PPM1H: variants seen among roughly 807,000 people sequenced by gnomAD.
PPM1H encodes the protein protein phosphatase, Mg2+/Mn2+ dependent 1H, also known as protein phosphatase 1H.
Under a neutral mutation model 54.9 loss-of-function variants are expected in PPM1H, and 27 were observed. The observed-to-expected ratio is 0.49, with a 90% CI of 0.36 to 0.68. The LOEUF is 0.68. Ranked by LOEUF, PPM1H falls within the 30% of genes least tolerant of loss-of-function variation. PPM1H has a pLI of 0.00. For synonymous variants in PPM1H, 305 were observed against 270.8 expected (o/e 1.13, Z -1.24); for missense variants, 596 against 667.8 (o/e 0.89, Z 1.19).
Position 62,896,130 on chromosome 12 carries a change from C to T in PPM1H, c.245+38362G>A, listed in dbSNP as rs567301657. On this transcript the variant is annotated intron_variant, in intron 1 of 9. Transcript: ENST00000228705. ...TAGCTTATTCAGATGATGTGAATAC[C>T]GGCTAATTATTGCAACGATGTTTGC... Among the ~76,000 whole-genome samples, 5 of 152,200 alleles carry T rather than the reference C, an allele frequency of 3.3e-5. No individual in the cohort carries two copies. In the South Asian group the frequency reaches 6.2e-4, roughly 19 times the overall value.
chr12:62,924,411 C>T (rs1337674221), intron 1 of PPM1H, among the ~76,000 whole-genome samples: 7 of 152,212 alleles, frequency 4.6e-5, no homozygotes, highest in Non-Finnish European at 1.0e-4. Flanking sequence ...TGAACATAAT[C>T]TCTGTCAGCT....
chr12:62,741,982 C>A (rs1487888497), intron 4 of PPM1H, among the ~76,000 whole-genome samples: 2 of 151,926 alleles, frequency 1.3e-5, no homozygotes, highest in Non-Finnish European at 2.9e-5. Context: ...AAAAAGACGG[C>A]AGGCCTAAGA....
intron 9 of PPM1H, among the ~76,000 whole-genome samples, chr12:62,660,020 C>T (rs1383230180): frequency 6.6e-6 from 1 of 152,182 alleles, no homozygotes; most frequent in Non-Finnish European, 1.5e-5. Context: ...ACTCTCTGGC[C>T]AAGGAAGGGC....
Position 62,897,596 on chromosome 12 carries a change from T to C in PPM1H, c.245+36896A>G, listed in dbSNP as rs951636845. Among the ~76,000 whole-genome samples the C allele has an allele frequency of 3.9e-4, 60 of 152,256 alleles. 1 individual carries two copies. Among genetic ancestry groups the C allele is most frequent in the African/African-American group, 1.4e-3 (58 of 41,540 alleles). ...CCACACTTCAGCCTCTGATGAAGCA[T>C]GTATGGGTACACCTTGTGTGTGACA... On this transcript the variant is annotated intron_variant, in intron 1 of 9. Coordinates refer to ENST00000228705, the MANE Select transcript of PPM1H (RefSeq NM_020700.2).
chr12:62,771,544 C>T (rs1323824039), intron 4 of PPM1H, among the ~76,000 whole-genome samples: 1 of 145,874 alleles, frequency 6.9e-6, no homozygotes, highest in East Asian at 2.0e-4. Flanking sequence ...GTTCATGTAG[C>T]CCTTTCATAT....
chr12:62,773,478 A>AAT (rs1227206419), intron 4 of PPM1H, among the ~76,000 whole-genome samples: 1 of 152,186 alleles, frequency 6.6e-6, no homozygotes, highest in Non-Finnish European at 1.5e-5. Context: ...CTGTCTCTAA[A>AAT]AATTTTTTTT....
intron 1 of PPM1H, among the ~76,000 whole-genome samples, chr12:62,899,968 CT>C (rs1286725834): frequency 2.7e-5 from 4 of 148,514 alleles, no homozygotes; most frequent in African/African-American, 1.1e-4. Flanking sequence ...CCTTCACCCT[CT>C]TTCAGCCATG....
At chr12:62,811,853 C>T (rs11174667) in intron 2 of PPM1H, among the ~76,000 whole-genome samples, 9,977 of 152,256 alleles carry the variant, frequency 0.066, 442 homozygotes, top group Middle Eastern at 0.12. Context: ...CTTTATAAAT[C>T]ACCCAATCTC....
At chr12:62,804,191 G>A (rs547963478) in intron 2 of PPM1H, among the ~76,000 whole-genome samples, 1 of 152,044 alleles carries the variant, frequency 6.6e-6, no homozygotes, top group African/African-American at 2.4e-5. Context: ...AAGGCCTAAA[G>A]ATTGTATAAG....
At chr12:62,783,205 A>AAC (rs989107042) in intron 4 of PPM1H, among the ~76,000 whole-genome samples, 1 of 152,190 alleles carries the variant, frequency 6.6e-6, no homozygotes, top group African/African-American at 2.4e-5. Flanking sequence ...ATGTTGAGAA[A>AAC]ACACTCCTTT....
intron 2 of PPM1H, among the ~76,000 whole-genome samples, chr12:62,823,238 T>G (rs1488167980): frequency 6.6e-6 from 1 of 152,134 alleles, no homozygotes; most frequent in Non-Finnish European, 1.5e-5. Flanking sequence ...GCTCTGAAAT[T>G]GAGGCAATAA....
At chr12:62,762,783 T>C (rs1592585939) in intron 4 of PPM1H, among the ~76,000 whole-genome samples, 1 of 152,052 alleles carries the variant, frequency 6.6e-6, no homozygotes, top group Non-Finnish European at 1.5e-5. Flanking sequence ...CTGAAATCAA[T>C]AGGGATCTAG....
chr12:62,897,148 T>C (rs988613856), intron 1 of PPM1H, among the ~76,000 whole-genome samples: 1 of 151,450 alleles, frequency 6.6e-6, no homozygotes, highest in Non-Finnish European at 1.5e-5. Flanking sequence ...ATACCTAATG[T>C]AAATGACGAG....
chr12:62,881,446 G>A (rs1382755693), intron 1 of PPM1H, among the ~76,000 whole-genome samples: 1 of 152,008 alleles, frequency 6.6e-6, no homozygotes, highest in African/African-American at 2.4e-5. Flanking sequence ...GAAGGAAGGG[G>A]GAGGGGGGAA....
intron 8 of PPM1H, among the ~76,000 whole-genome samples, chr12:62,669,185 T>A (rs1046508556): frequency 1.3e-5 from 2 of 152,222 alleles, no homozygotes; most frequent in Admixed American, 1.3e-4. Flanking sequence ...AAAGAAAACA[T>A]GAAAGCCTCA....
chr12:62,909,202 T>C (rs1335080933), intron 1 of PPM1H, among the ~76,000 whole-genome samples: 3 of 152,192 alleles, frequency 2.0e-5, no homozygotes, highest in Non-Finnish European at 2.9e-5. Flanking sequence ...TCCACTACTA[T>C]CATCCTGGCC....
At chr12:62,856,121 T>C (rs573800324) in intron 1 of PPM1H, among the ~76,000 whole-genome samples, 1 of 152,332 alleles carries the variant, frequency 6.6e-6, no homozygotes, top group Admixed American at 6.5e-5. Flanking sequence ...TTTCCTCATG[T>C]GAATGTGCTG....
chr12:62,859,098 AC>A (rs1869503783), intron 1 of PPM1H, among the ~76,000 whole-genome samples: 1 of 152,236 alleles, frequency 6.6e-6, no homozygotes, highest in African/African-American at 2.4e-5. Context: ...GAATTCTATA[AC>A]CATATACATT....
chr12:62,725,249 A>G (rs564024462), intron 5 of PPM1H, among the ~76,000 whole-genome samples: 24 of 152,304 alleles, frequency 1.6e-4, no homozygotes, highest in African/African-American at 4.8e-4. Flanking sequence ...CCCATCCCAC[A>G]AAAGTTTGGT....
Sources: gnomAD v4.1 joint callset for allele counts (sites outside exome capture counted in the v4.1 genomes callset) on GRCh38, gnomAD v4.1.1 for gene constraint, MANE v1.5 for transcripts, NCBI Gene and HGNC (gene_info 2026-07-23, HGNC 2026-07-21) for gene names.